Variants in TENM2 observed in about 807,000 individuals in gnomAD.
TENM2 encodes the protein teneurin transmembrane protein 2.
TENM2 carries 52 observed loss-of-function variants against 245.2 expected under a neutral mutation model. That is an observed-to-expected ratio of 0.21 (90% CI 0.17 to 0.27). TENM2 has a LOEUF of 0.27. Among genes scored for constraint, TENM2 ranks in the 10% least tolerant of loss-of-function variants. The pLI is 1.00. For synonymous variants in TENM2, 1,363 were observed against 1,438.9 expected, an observed-to-expected ratio of 0.95 and a Z score of 1.19; for missense variants, 3,046 against 3,666.8, an observed-to-expected ratio of 0.83 and a Z score of 4.37.
At chr5:167,711,422 G>A (rs572688849) in intron 2 of TENM2, among the ~76,000 whole-genome samples, 2 of 152,246 alleles carry the variant, frequency 1.3e-5, no homozygotes, top group Non-Finnish European at 2.9e-5. Context: ...TGGCAACATC[G>A]CTAGCCCACT....
intron 3 of TENM2, among the ~76,000 whole-genome samples, chr5:167,884,083 T>C (rs1774092074): frequency 6.6e-6 from 1 of 151,680 alleles, no homozygotes. Flanking sequence ...AGTATTTTTG[T>C]CTGTAAAACA....
chr5:167,318,773 A>T (rs1554133411), intron 1 of TENM2, among the ~76,000 whole-genome samples: 1 of 152,148 alleles, frequency 6.6e-6, no homozygotes, highest in Non-Finnish European at 1.5e-5. Flanking sequence ...GCAATATCTC[A>T]TGCCCCTCCT....
chr5:167,191,171 A>AAT, the TENM2 span, among the ~76,000 whole-genome samples: 2 of 152,030 alleles, frequency 1.3e-5, no homozygotes, highest in Admixed American at 6.6e-5. Context: ...TATACCTAGG[A>AAT]ATATATATAT....
chr5:167,440,110 A>T (rs181631802), intron 2 of TENM2, among the ~76,000 whole-genome samples: 276 of 152,302 alleles, frequency 1.8e-3, no homozygotes, highest in African/African-American at 6.3e-3. Context: ...TGGTCTATCC[A>T]GCCCTTTATA....
chr5:167,373,162 C>G (rs1245681070), intron 1 of TENM2, among the ~76,000 whole-genome samples: 1 of 152,154 alleles, frequency 6.6e-6, no homozygotes, highest in African/African-American at 2.4e-5. Flanking sequence ...GGGCTTGATT[C>G]CATTTACACA....
chr5:168,165,749 G>T (rs1303227370), intron 13 of TENM2: 1 of 93,800 alleles, frequency 1.1e-5, no homozygotes, highest in Non-Finnish European at 1.9e-5. Context: ...TAATGGCCTT[G>T]TTACGGGAAC....
At chr5:167,542,048 C>T (rs1160387574) in intron 2 of TENM2, among the ~76,000 whole-genome samples, 2 of 151,996 alleles carry the variant, frequency 1.3e-5, no homozygotes, top group African/African-American at 4.8e-5. Context: ...TGGAAGTATC[C>T]TGGGCAGTGG....
intron 1 of TENM2, among the ~76,000 whole-genome samples, chr5:167,301,877 C>T (rs1169412408): frequency 6.6e-6 from 1 of 151,884 alleles, no homozygotes; most frequent in Non-Finnish European, 1.5e-5. Flanking sequence ...GTAAGCCGGA[C>T]CGGGTGTGAG....
intron 2 of TENM2, among the ~76,000 whole-genome samples, chr5:167,784,747 A>T (rs1403837396): frequency 6.6e-6 from 1 of 152,218 alleles, no homozygotes; most frequent in African/African-American, 2.4e-5. Context: ...AAAGAGGTGA[A>T]AAAAAGGTTA....
the TENM2 span, among the ~76,000 whole-genome samples, chr5:167,102,938 G>A: frequency 6.6e-6 from 1 of 152,190 alleles, no homozygotes; most frequent in Non-Finnish European, 1.5e-5. Context: ...GGGATTACAG[G>A]CATGAGCCAC....
chr5:167,966,566 C>T (rs777201439), intron 4 of TENM2, among the ~76,000 whole-genome samples: 14 of 152,076 alleles, frequency 9.2e-5, no homozygotes, highest in Admixed American at 2.6e-4. Flanking sequence ...ATTGGTAGTG[C>T]GTATTTGGAA....
chr5:167,333,874 T>C (rs1314491026), intron 1 of TENM2, among the ~76,000 whole-genome samples: 1 of 152,168 alleles, frequency 6.6e-6, no homozygotes, highest in African/African-American at 2.4e-5. Context: ...CTTCACTCTG[T>C]ATGGCAGCAA....
chr5:167,818,160 A>T (rs934139954), intron 2 of TENM2, among the ~76,000 whole-genome samples: 1 of 152,316 alleles, frequency 6.6e-6, no homozygotes, highest in East Asian at 1.9e-4. Flanking sequence ...CTTTTTAAAA[A>T]GGTAACTTTC....
the TENM2 span, among the ~76,000 whole-genome samples, chr5:167,203,367 C>G: frequency 6.6e-6 from 1 of 152,196 alleles, no homozygotes; most frequent in African/African-American, 2.4e-5. Context: ...GCCTCTTTCT[C>G]TCCGACCACA....
the TENM2 span, among the ~76,000 whole-genome samples, chr5:167,275,585 G>A: frequency 7.9e-5 from 12 of 152,080 alleles, no homozygotes; most frequent in Middle Eastern, 3.4e-3. Context: ...TGTTTTGATA[G>A]CTTTGTATCT....
intron 5 of TENM2, among the ~76,000 whole-genome samples, chr5:168,014,956 G>C (rs1342966717): frequency 6.6e-6 from 1 of 152,190 alleles, no homozygotes; most frequent in Non-Finnish European, 1.5e-5. Context: ...CTGGGAGCCT[G>C]GCATTGATCT....
At chr5:167,027,298 A>G in the TENM2 span, among the ~76,000 whole-genome samples, 1 of 152,204 alleles carries the variant, frequency 6.6e-6, no homozygotes, top group Admixed American at 6.5e-5. Flanking sequence ...ATTAAGCTAA[A>G]GTTTCTCATT....
the TENM2 span, among the ~76,000 whole-genome samples, chr5:167,133,971 C>T: frequency 6.6e-6 from 1 of 152,108 alleles, no homozygotes; most frequent in East Asian, 1.9e-4. Flanking sequence ...TCAGAGCTTC[C>T]AAAACCTCTA....
chr5:168,002,007 A>G (rs1036439489), intron 5 of TENM2, among the ~76,000 whole-genome samples: 6 of 152,260 alleles, frequency 3.9e-5, no homozygotes, highest in African/African-American at 1.4e-4. Flanking sequence ...ACATGTTGGT[A>G]AGAAAAGAGT....
Sources: allele counts gnomAD v4.1 joint callset (sites outside exome capture counted in the v4.1 genomes callset), GRCh38; gene constraint gnomAD v4.1.1; transcripts MANE v1.5; gene names NCBI Gene and HGNC (gene_info 2026-07-23, HGNC 2026-07-21).